ZNF423: variants seen among roughly 807,000 people sequenced by gnomAD.
ZNF423 encodes Ebf-associated zinc finger protein.
ZNF423 carries 12 observed loss-of-function variants against 95.8 expected under a neutral mutation model. That is an observed-to-expected ratio of 0.13 (90% confidence interval 0.08 to 0.20). ZNF423 has a LOEUF of 0.20. ZNF423 is among the 10% of genes least tolerant of loss of function. The probability of loss-of-function intolerance (pLI) is 1.00; values close to 1 mark genes in which losing one functional copy is unlikely to be tolerated. For missense variants in ZNF423, 1,316 were observed against 1,737.1 expected (o/e 0.76, Z 4.31); for synonymous variants, 749 against 711.9 (o/e 1.05, Z -0.83).
At chr16:49,835,813 T>C (rs1048053565) in intron 1 of ZNF423, among the ~76,000 whole-genome samples, 19 of 152,188 alleles carry the variant, frequency 1.2e-4, no homozygotes, top group African/African-American at 3.4e-4. Flanking sequence ...GAGCTGCTGC[T>C]CCCGGGTGTT....
At chr16:49,749,591 C>T (rs1362982688) in intron 2 of ZNF423, among the ~76,000 whole-genome samples, 2 of 152,384 alleles carry the variant, frequency 1.3e-5, no homozygotes, top group East Asian at 3.9e-4. Flanking sequence ...TTTACGGACA[C>T]GCGCAGCAAT....
intron 3 of ZNF423, among the ~76,000 whole-genome samples, chr16:49,691,855 G>A (rs1226322954): frequency 1.3e-5 from 2 of 152,250 alleles, no homozygotes; most frequent in Non-Finnish European, 2.9e-5. Flanking sequence ...GCCTGGGGCT[G>A]AGCACTTGGC....
chr16:49,647,535 T>C (rs1314669205), intron 3 of ZNF423, among the ~76,000 whole-genome samples: 1 of 152,120 alleles, frequency 6.6e-6, no homozygotes, highest in African/African-American at 2.4e-5. Flanking sequence ...ATCACAAGGG[T>C]CCTTAAATGT....
chr16:49,786,007 A>T (rs972364484), intron 2 of ZNF423, among the ~76,000 whole-genome samples: 1 of 152,124 alleles, frequency 6.6e-6, no homozygotes. Context: ...ACAGGTTAAG[A>T]ACTCCTCCAG....
chr16:49,851,750 A>G (rs1040515574), intron 1 of ZNF423, among the ~76,000 whole-genome samples: 1 of 152,230 alleles, frequency 6.6e-6, no homozygotes. Context: ...CCAGAGGCAC[A>G]TAGTTATCTT....
intron 7 of ZNF423, among the ~76,000 whole-genome samples, chr16:49,508,050 A>G (rs1967721630): frequency 6.6e-6 from 1 of 152,206 alleles, no homozygotes; most frequent in South Asian, 2.1e-4. Context: ...AGCATTAACC[A>G]GCTCTGAGGC....
chr16:49,543,909 A>C (rs558071050), intron 5 of ZNF423, among the ~76,000 whole-genome samples: 30 of 151,910 alleles, frequency 2.0e-4, no homozygotes, highest in African/African-American at 7.2e-4. Context: ...GTAAAAACAG[A>C]GGGAGATCTA....
chr16:49,766,143 C>G (rs1850841274), intron 2 of ZNF423, among the ~76,000 whole-genome samples: 2 of 152,148 alleles, frequency 1.3e-5, no homozygotes. Context: ...CAGTAGAATA[C>G]TGAGAAAATG....
At chr16:49,732,882 C>T (rs546313409) in intron 2 of ZNF423, among the ~76,000 whole-genome samples, 25 of 152,296 alleles carry the variant, frequency 1.6e-4, no homozygotes, top group African/African-American at 4.3e-4. Context: ...CACGACACGC[C>T]GCCTGGAACT....
In ZNF423 at chr16:49,510,766, G is replaced by A. The variant is rs542492546; in HGVS notation, c.3849+12858C>T. Among the ~76,000 whole-genome samples, 140 of 152,210 alleles carry A rather than the reference G, an allele frequency of 9.2e-4. 4 individuals are homozygous for A. The South Asian group carries it at 0.026, about 28-fold the overall frequency. ...GTGGATGTGGAGCCGGTGAGGCGCC[G>A]CCACTCGCAGTGTTGTCACTGTTAC... On this transcript the variant is annotated intron_variant, in intron 7 of 7. Coordinates refer to ENST00000563137, the MANE Select transcript of ZNF423 (RefSeq NM_001379286.1).
chr16:49,806,353 G>A (rs2034663649), intron 1 of ZNF423, among the ~76,000 whole-genome samples: 1 of 152,366 alleles, frequency 6.6e-6, no homozygotes, highest in Admixed American at 6.5e-5. Flanking sequence ...ATGGTACAGA[G>A]GACCCACATC....
chr16:49,593,313 T>C (rs1971075821), intron 5 of ZNF423, among the ~76,000 whole-genome samples: 1 of 151,960 alleles, frequency 6.6e-6, no homozygotes. Flanking sequence ...CACGTGCCTG[T>C]GGTCCCAGCT....
chr16:49,510,894 C>T (rs1429033074), intron 7 of ZNF423, among the ~76,000 whole-genome samples: 1 of 152,246 alleles, frequency 6.6e-6, no homozygotes, highest in African/African-American at 2.4e-5. Flanking sequence ...GGCAGCTCCC[C>T]CGTGCCCATC....
intron 5 of ZNF423, among the ~76,000 whole-genome samples, chr16:49,614,062 C>T (rs1408151306): frequency 6.6e-6 from 1 of 152,134 alleles, no homozygotes; most frequent in Admixed American, 6.5e-5. Context: ...TAACAAAGGA[C>T]TAGTACTTAG....
intron 3 of ZNF423, among the ~76,000 whole-genome samples, chr16:49,696,178 T>C (rs780396221): frequency 3.3e-5 from 5 of 152,174 alleles, no homozygotes; most frequent in Non-Finnish European, 7.4e-5. Flanking sequence ...TTCTTTTCCT[T>C]TCCTTCCTCT....
At chr16:49,836,412 G>A (rs1216214215) in intron 1 of ZNF423, among the ~76,000 whole-genome samples, 5 of 152,088 alleles carry the variant, frequency 3.3e-5, no homozygotes, top group Admixed American at 6.5e-5. Context: ...GCTGGGTCTC[G>A]GGGGATCAAG....
At chr16:49,827,763 C>A (rs537579933) in intron 1 of ZNF423, among the ~76,000 whole-genome samples, 3 of 152,298 alleles carry the variant, frequency 2.0e-5, no homozygotes, top group African/African-American at 7.2e-5. Context: ...AACAATCCTA[C>A]TGCCTCGGCC....
At chr16:49,769,524 C>G (rs2143698504) in intron 2 of ZNF423, among the ~76,000 whole-genome samples, 1 of 152,222 alleles carries the variant, frequency 6.6e-6, no homozygotes, top group Non-Finnish European at 1.5e-5. Context: ...CCACACACAA[C>G]TAGAGGGACC....
intron 5 of ZNF423, among the ~76,000 whole-genome samples, chr16:49,542,763 G>C (rs1043935780): frequency 2.6e-5 from 4 of 152,210 alleles, no homozygotes; most frequent in Non-Finnish European, 5.9e-5. Flanking sequence ...GCCAGATGCC[G>C]CCTGCCCAGA....
Sources: allele counts gnomAD v4.1 joint callset (sites outside exome capture counted in the v4.1 genomes callset), GRCh38; gene constraint gnomAD v4.1.1; transcripts MANE v1.5; gene names NCBI Gene and HGNC (gene_info 2026-07-23, HGNC 2026-07-21).